The following DPP10 variants were observed in gnomAD, a reference collection of about 807,000 sequenced individuals.
DPP10 encodes the protein inactive dipeptidyl peptidase 10.
Under a neutral mutation model 120.9 loss-of-function variants are expected in DPP10, and 33 were observed. The observed-to-expected ratio is 0.27, with a 90% CI of 0.21 to 0.37. The LOEUF is 0.37. DPP10 is among the 10% of genes least tolerant of loss of function. DPP10 has a pLI of 1.00. For missense variants in DPP10, 816 were observed against 942.8 expected, an observed-to-expected ratio of 0.87 and a Z score of 1.76; for synonymous variants, 337 against 326.1, an observed-to-expected ratio of 1.03 and a Z score of -0.36.
At chr2:115,610,975 G>T (rs536896936) in intron 5 of DPP10, among the ~76,000 whole-genome samples, 18 of 152,210 alleles carry the variant, frequency 1.2e-4, no homozygotes, top group Admixed American at 1.1e-3. Flanking sequence ...TTGAAAATTG[G>T]TATCTTAAGA....
At chr2:115,605,548 C>T (rs1361270210) in intron 5 of DPP10, among the ~76,000 whole-genome samples, 1 of 151,854 alleles carries the variant, frequency 6.6e-6, no homozygotes, top group African/African-American at 2.4e-5. Flanking sequence ...CTTAATTTCG[C>T]TTTTTTTACA....
At chr2:114,663,769 T>C (rs1697679016) in intron 1 of DPP10, among the ~76,000 whole-genome samples, 1 of 151,628 alleles carries the variant, frequency 6.6e-6, no homozygotes, top group Non-Finnish European at 1.5e-5. Context: ...TTGCTAGCTG[T>C]GTGACCATGA....
At chr2:115,140,162 G>A (rs2050850683) in intron 1 of DPP10, among the ~76,000 whole-genome samples, 1 of 152,204 alleles carries the variant, frequency 6.6e-6, no homozygotes, top group Non-Finnish European at 1.5e-5. Context: ...GGGTAGGGAG[G>A]ATAGAAAATA....
At chr2:115,022,337 C>T (rs778306193) in intron 1 of DPP10, among the ~76,000 whole-genome samples, 13 of 151,752 alleles carry the variant, frequency 8.6e-5, no homozygotes, top group Admixed American at 4.6e-4. Flanking sequence ...AATTAATGTA[C>T]GCGAATCAGT....
intron 1 of DPP10, among the ~76,000 whole-genome samples, chr2:114,681,770 ATTTT>A (rs571075585): frequency 1.2e-3 from 187 of 152,166 alleles, no homozygotes; most frequent in African/African-American, 4.4e-3. Flanking sequence ...AGGACAGCCT[ATTTT>A]TATTTCTTTG....
chr2:115,434,554 C>T (rs1349916230), intron 3 of DPP10, among the ~76,000 whole-genome samples: 1 of 151,650 alleles, frequency 6.6e-6, no homozygotes, highest in African/African-American at 2.4e-5. Flanking sequence ...CATTTTTTTG[C>T]TGATCCATAA....
chr2:115,080,581 G>A (rs1708193940), intron 1 of DPP10, among the ~76,000 whole-genome samples: 1 of 152,078 alleles, frequency 6.6e-6, no homozygotes, highest in African/African-American at 2.4e-5. Flanking sequence ...GGCTGATTTT[G>A]TACAACAGCA....
intron 3 of DPP10, among the ~76,000 whole-genome samples, chr2:115,460,680 C>G (rs1335625454): frequency 6.6e-6 from 1 of 152,074 alleles, no homozygotes; most frequent in East Asian, 1.9e-4. Flanking sequence ...CTCATGCTGC[C>G]CTATCAGAAT....
At chr2:115,392,083 GT>G (rs1188767633) in intron 3 of DPP10, among the ~76,000 whole-genome samples, 1 of 152,032 alleles carries the variant, frequency 6.6e-6, no homozygotes, top group African/African-American at 2.4e-5. Flanking sequence ...GGTCATTAAG[GT>G]CCCTTTTAGG....
At chr2:114,862,000 T>C (rs963586641) in intron 1 of DPP10, among the ~76,000 whole-genome samples, 4 of 152,302 alleles carry the variant, frequency 2.6e-5, no homozygotes, top group East Asian at 3.9e-4. Flanking sequence ...AAGTGGTACA[T>C]ATTGCATGAA....
chr2:115,523,422 A>AAAAACC (rs2077940216), intron 4 of DPP10, among the ~76,000 whole-genome samples: 1 of 122,436 alleles, frequency 8.2e-6, no homozygotes, highest in Non-Finnish European at 1.8e-5. Flanking sequence ...AAAAAAAAAA[A>AAAAACC]CCCTCCTGCT....
intron 5 of DPP10, among the ~76,000 whole-genome samples, chr2:115,626,564 G>A (rs922543899): frequency 6.6e-6 from 1 of 151,994 alleles, no homozygotes; most frequent in Admixed American, 6.6e-5. Context: ...TATTATAGTT[G>A]TATTGGTGTG....
chr2:115,163,201 C>A (rs983076134), intron 1 of DPP10, among the ~76,000 whole-genome samples: 3 of 152,206 alleles, frequency 2.0e-5, no homozygotes, highest in African/African-American at 7.2e-5. Flanking sequence ...ATTCTAAGCA[C>A]TGAAGAGCCT....
At chr2:115,492,191 G>A (rs1024086623) in intron 3 of DPP10, among the ~76,000 whole-genome samples, 1 of 152,116 alleles carries the variant, frequency 6.6e-6, no homozygotes, top group African/African-American at 2.4e-5. Context: ...TCTAAAAGCT[G>A]TGAATGACTG....
intron 3 of DPP10, among the ~76,000 whole-genome samples, chr2:115,492,815 C>A (rs557232145): frequency 6.6e-6 from 1 of 151,926 alleles, no homozygotes; most frequent in African/African-American, 2.4e-5. Context: ...TAAAAAAACT[C>A]AATAAAAAAG....
intron 1 of DPP10, among the ~76,000 whole-genome samples, chr2:114,750,341 T>G (rs908001088): frequency 2.0e-5 from 3 of 151,628 alleles, no homozygotes; most frequent in Non-Finnish European, 4.4e-5. Flanking sequence ...TCAATATATT[T>G]TTTTTTTTTT....
chr2:114,896,378 C>A (rs1483311604), intron 1 of DPP10, among the ~76,000 whole-genome samples: 1 of 152,066 alleles, frequency 6.6e-6, no homozygotes, highest in Non-Finnish European at 1.5e-5. Context: ...ATGGAATGTT[C>A]TTCCATTTTT....
chr2:115,500,335 A>G (rs182506724), intron 4 of DPP10, among the ~76,000 whole-genome samples: 32 of 152,138 alleles, frequency 2.1e-4, no homozygotes, highest in Admixed American at 2.0e-3. Flanking sequence ...AAGTTTCAAT[A>G]GACTGCCAAT....
In DPP10 at chr2:115,727,862, G is replaced by A. The variant is rs2092803700; in HGVS notation, c.623G>A (p.Ser208Asn). Residue 208 changes from serine (S) to asparagine (N), a missense_variant, in exon 8 of 26, where the codon AGC becomes AAC. Physicochemically the swap from Ser to Asn is conservative, Grantham distance 46. Around this residue, in one of 3 missense-constraint regions of DPP10, gnomAD observed 42 missense variants for 86.4 expected, o/e 0.49. Coordinates refer to ENST00000410059, the MANE Select transcript of DPP10 (RefSeq NM_020868.6). ...NNIYYQPDIK[S>N]SSLRLTSSGK... ...ATCTACTATCAACCTGATATAAAGA[G>A]CAGTTCATTGCGACTGACATCTTCT... 2 of 1,606,142 alleles carry A rather than the reference G, an allele frequency of 1.2e-6. No individual in the cohort carries two copies. The highest frequency in any genetic ancestry group is 3.4e-5 in the Admixed American group (2 of 58,594).
Sources: gnomAD v4.1 joint callset for allele counts (sites outside exome capture counted in the v4.1 genomes callset) on GRCh38, gnomAD v4.1.1 for gene constraint, gnomAD v4.1.1 regional missense constraint, MANE v1.5 for transcripts, NCBI Gene and HGNC (gene_info 2026-07-23, HGNC 2026-07-21) for gene names.